The following KANK1 variants were observed in gnomAD, a reference collection of about 807,000 sequenced individuals.
KANK1 encodes KN motif and ankyrin repeat domain-containing protein 1.
KANK1 carries 109 observed loss-of-function variants against 106.2 expected under a neutral mutation model. That is an observed-to-expected ratio of 1.03 (90% confidence interval 0.88 to 1.20). KANK1 has a LOEUF of 1.20. Ranked by LOEUF, KANK1 falls within the 50% of genes most tolerant of loss-of-function variation. The pLI is 0.00. For synonymous variants in KANK1, 873 were observed against 652.2 expected, an observed-to-expected ratio of 1.34 and a Z score of -5.16; for missense variants, 2,399 against 1,710.7, an observed-to-expected ratio of 1.40 and a Z score of -7.10.
At position 565,506 on chromosome 9, in the gene KANK1, C is replaced by A. The variant is rs540396896; in HGVS notation, c.-84+60752C>A. Reference sequence around the variant, plus strand: ...AGCCGCATGGGAGATGGAGTTATCACTCAAATTAATCTCCCTGAAGTTTTG... The same window carrying A: ...AGCCGCATGGGAGATGGAGTTATCAATCAAATTAATCTCCCTGAAGTTTTG... On this transcript the variant is annotated intron_variant, in intron 1 of 11. Transcript: ENST00000382297. Among the ~76,000 whole-genome samples, 3 of 152,332 alleles carry A rather than the reference C, an allele frequency of 2.0e-5. No homozygotes were observed. In the South Asian group the frequency reaches 6.2e-4, roughly 32 times the overall value.
intron 1 of KANK1, among the ~76,000 whole-genome samples, chr9:536,078 C>A (rs1478792402): frequency 1.3e-5 from 2 of 149,396 alleles, no homozygotes; most frequent in South Asian, 4.3e-4. Flanking sequence ...TGGCTCACAT[C>A]TGTAATCCCA....
rs764281371 is a variant in KANK1 at position 711,871 on chromosome 9, C to G, written c.1105C>G (p.Gln369Glu). ...QSTQRIKEFR[Q>E]LTADMQALEQ... Reference sequence around the variant, plus strand: ...CACGCAGAGGATAAAGGAGTTCCGGCAACTTACAGCAGACATGCAAGCCCT... The same window carrying G: ...CACGCAGAGGATAAAGGAGTTCCGGGAACTTACAGCAGACATGCAAGCCCT... Residue 369 changes from glutamine to glutamate, a missense_variant, in exon 3 of 12, where the codon CAA becomes GAA. Transcript: ENST00000382297. 1.9e-6 allele frequency: 3 copies of G among 1,614,190 alleles called. No homozygotes were observed. Among genetic ancestry groups the G allele is most frequent in the Non-Finnish European group, 2.5e-6 (3 of 1,180,038 alleles).
At chr9:602,734 A>C (rs540555551) in intron 1 of KANK1, among the ~76,000 whole-genome samples, 1 of 151,984 alleles carries the variant, frequency 6.6e-6, no homozygotes, top group South Asian at 2.1e-4. Flanking sequence ...CGGTCAGAGG[A>C]CATTGACAAA....
At chr9:555,107 A>AT (rs1417325700) in intron 1 of KANK1, among the ~76,000 whole-genome samples, 1 of 152,234 alleles carries the variant, frequency 6.6e-6, no homozygotes, top group African/African-American at 2.4e-5. Flanking sequence ...CACTTTGAGA[A>AT]CAACTAATAA....
chr9:544,001 CTATTTTATTT>C (rs754173294), intron 1 of KANK1, among the ~76,000 whole-genome samples: 29 of 151,794 alleles, frequency 1.9e-4, no homozygotes, highest in South Asian at 6.2e-4. Context: ...ATTTCATGTT[CTATTTTATTT>C]TATTTTATTT....
chr9:551,577 A>G (rs944415426), intron 1 of KANK1, among the ~76,000 whole-genome samples: 3 of 152,172 alleles, frequency 2.0e-5, no homozygotes, highest in African/African-American at 4.8e-5. Context: ...TGGCTGGGAC[A>G]ATGGTGAGGA....
intron 7 of KANK1, chr9:735,794 G>A (rs377371795): frequency 1.3e-5 from 5 of 397,822 alleles, no homozygotes; most frequent in African/African-American, 1.0e-4. Context: ...TGGAGTTCGA[G>A]ACGAGCTTAG....
chr9:744,831 G>C, intron 11 of KANK1: 1 of 1,424,748 alleles, frequency 7.0e-7, no homozygotes, highest in Non-Finnish European at 9.2e-7. Context: ...TTCCCATAGA[G>C]GTTTTGATTC....
intron 1 of KANK1, among the ~76,000 whole-genome samples, chr9:529,204 C>T (rs755641887): frequency 1.5e-4 from 22 of 151,716 alleles, no homozygotes; most frequent in Non-Finnish European, 2.5e-4. Context: ...TTCCTCCTTC[C>T]AGAGATAACT....
At chr9:633,357 C>G (rs1046942634) in intron 1 of KANK1, among the ~76,000 whole-genome samples, 4 of 152,074 alleles carry the variant, frequency 2.6e-5, no homozygotes, top group Non-Finnish European at 5.9e-5. Context: ...ACTTGGGAGG[C>G]TGAGGCAGGA....
chr9:606,608 G>C (rs1829245361), intron 1 of KANK1, among the ~76,000 whole-genome samples: 1 of 136,324 alleles, frequency 7.3e-6, no homozygotes, highest in East Asian at 2.0e-4. Context: ...ATGTGTGTGT[G>C]TGTGTGTATA....
intron 1 of KANK1, among the ~76,000 whole-genome samples, chr9:631,818 C>T (rs1180824607): frequency 6.6e-6 from 1 of 152,228 alleles, no homozygotes; most frequent in Non-Finnish European, 1.5e-5. Context: ...GTACTTCCTC[C>T]CCTTTGGGGC....
chr9:519,642 A>C (rs1563707241), intron 1 of KANK1, among the ~76,000 whole-genome samples: 1 of 151,728 alleles, frequency 6.6e-6, no homozygotes, highest in African/African-American at 2.4e-5. Flanking sequence ...CCAGACAATT[A>C]CATTTCCTTA....
At chr9:490,241 C>T (rs2058355376) in intron 3 of KANK1, among the ~76,000 whole-genome samples, 1 of 152,198 alleles carries the variant, frequency 6.6e-6, no homozygotes. Flanking sequence ...GCAGTTCACA[C>T]CTATAATCCC....
At chr9:503,910 C>T (rs1314412768), upstream of KANK1, among the ~76,000 whole-genome samples, 1 of 152,186 alleles carries the variant, frequency 6.6e-6, no homozygotes, top group Non-Finnish European at 1.5e-5. Context: ...TCTGTGGAGT[C>T]CCCAGAGACC....
At position 710,901 on chromosome 9, in the gene KANK1, C is replaced by T; in HGVS notation, c.135C>T (p.Phe45=). Reference sequence around the variant, plus strand: ...ATGGTTATCAACTAGACTTAGATTTCCTCAAATATGTGGATGACATACAGA... The same window carrying T: ...ATGGTTATCAACTAGACTTAGATTTTCTCAAATATGTGGATGACATACAGA... ...TPYGYQLDLD[F]LKYVDDIQKG... The change falls in exon 3 of 12, where the codon TTC becomes TTT. Residue 45 remains phenylalanine (F), a synonymous_variant. Transcript: ENST00000382297. 6.2e-7 allele frequency: 1 copy of T among 1,614,186 alleles called. No individual in the cohort carries two copies. The highest frequency in any genetic ancestry group is 8.5e-7 in the Non-Finnish European group (1 of 1,180,030).
chr9:724,813 G>A (rs913087946), intron 3 of KANK1, among the ~76,000 whole-genome samples: 8 of 151,870 alleles, frequency 5.3e-5, no homozygotes, highest in African/African-American at 1.9e-4. Flanking sequence ...AAAAAAACAA[G>A]AGTGTTCTGG....
In KANK1 at chr9:652,481, C is replaced by T. The variant is rs139931065; in HGVS notation, c.-83-24409C>T. 1.9e-3 allele frequency among the ~76,000 whole-genome samples: 283 copies of T among 152,272 alleles called. 1 individual carries two copies. Among genetic ancestry groups the T allele is most frequent in the Admixed American group, 6.1e-3 (93 of 15,302 alleles). On this transcript the variant is annotated intron_variant, in intron 1 of 11. Transcript: ENST00000382297. The stretch of plus-strand genomic sequence containing the variant: ...GAGTTTGCAGTGAGCCGAGATCGTG[C>T]CATTGCACTCCAGCCTGGGCGACAA...
At chr9:675,366 A>G (rs1453210323) in intron 1 of KANK1, among the ~76,000 whole-genome samples, 1 of 152,222 alleles carries the variant, frequency 6.6e-6, no homozygotes, top group Non-Finnish European at 1.5e-5. Context: ...ATTTCTCCCA[A>G]CTTCTTCTGA....
Sources: allele counts gnomAD v4.1 joint callset (sites outside exome capture counted in the v4.1 genomes callset), GRCh38; gene constraint gnomAD v4.1.1; transcripts MANE v1.5; gene names NCBI Gene and HGNC (gene_info 2026-07-23, HGNC 2026-07-21).